KRAS: variants seen among roughly 807,000 people sequenced by gnomAD.
The protein encoded by KRAS is KRas proto-oncogene, GTPase, also known as GTPase KRas.
Under a neutral mutation model 21.0 loss-of-function variants are expected in KRAS, and 1 was observed. The ratio of observed to expected loss-of-function variants is 0.05; its 90% CI spans 0.02 to 0.23. KRAS has a LOEUF of 0.23. Among genes scored for constraint, KRAS ranks in the 10% least tolerant of loss-of-function variants. KRAS has a pLI of 1.00. For synonymous variants in KRAS, 67 were observed against 72.5 expected (o/e 0.92, Z 0.39); for missense variants, 107 against 221.8 (o/e 0.48, Z 3.29).
chr12:25,232,326 A>C (rs1216822884), intron 2 of KRAS, among the ~76,000 whole-genome samples: 3 of 152,256 alleles, frequency 2.0e-5, no homozygotes, highest in African/African-American at 7.2e-5. Context: ...CAAAAACCCA[A>C]GACTTTGTGA....
intron 1 of KRAS, 97 bp downstream of exon 1, chr12:25,250,654 G>T (rs1427267188): frequency 1.7e-5 from 3 of 171,704 alleles, no homozygotes; most frequent in Non-Finnish European, 3.8e-5. Flanking sequence ...CCCCTCCGGG[G>T]ACCCCTAATT....
chr12:25,225,007 G>C (rs944732482), intron 4 of KRAS: 2 of 151,840 alleles, frequency 1.3e-5, no homozygotes, highest in Non-Finnish European at 2.9e-5. Context: ...TGAAGAAAAA[G>C]TCATTTTTAA....
rs1002647898 is a variant in KRAS, at chr12:25,207,329, CAG to C, written c.*2464_*2465del. 10 of 189,996 alleles carry C rather than the reference CAG, an allele frequency of 5.3e-5. No homozygotes were observed. The highest frequency in any genetic ancestry group is 7.7e-5 in the Non-Finnish European group (7 of 90,618). 11.8% of individuals were successfully genotyped at this position (189,996 alleles called of 1,614,324 possible). A position where few individuals can be genotyped will look rare whatever the true frequency, so the allele number is the denominator to read the frequency against. The stretch of plus-strand genomic sequence containing the variant: ...AGGAGTTCGAGACCAGCCTGGCCAA[CAG>C]GGTGAAACCCCGTCTCTCCTAAAAA... On this transcript the variant is annotated 3_prime_UTR_variant, in exon 5 of 5. Transcript: ENST00000311936.
At chr12:25,236,000 A>C (rs1782950196) in intron 2 of KRAS, among the ~76,000 whole-genome samples, 1 of 152,128 alleles carries the variant, frequency 6.6e-6, no homozygotes, top group Non-Finnish European at 1.5e-5. Flanking sequence ...GAGCTAAGGC[A>C]AGTAATGCTC....
At chr12:25,231,690 T>C (rs1951473667) in intron 2 of KRAS, among the ~76,000 whole-genome samples, 1 of 152,148 alleles carries the variant, frequency 6.6e-6, no homozygotes, top group Admixed American at 6.5e-5. Flanking sequence ...AAGTAATCTA[T>C]AACCTACTCA....
chr12:25,215,447 T>G, intron 4 of KRAS: 1 of 1,613,256 alleles, frequency 6.2e-7, no homozygotes, highest in Non-Finnish European at 8.5e-7. Context: ...CAGATTACAT[T>G]ATAATGCATT....
chr12:25,245,184 A>G (rs923904423), intron 2 of KRAS, 90 bp downstream of exon 2: 5 of 1,322,178 alleles, frequency 3.8e-6, no homozygotes, highest in Non-Finnish European at 5.3e-6. Context: ...TTATCTTGTA[A>G]TAAGTACTCA....
chr12:25,226,932 G>C (rs1181080016), intron 3 of KRAS, among the ~76,000 whole-genome samples: 1 of 151,724 alleles, frequency 6.6e-6, no homozygotes, highest in Non-Finnish European at 1.5e-5. Context: ...CTTTTTTAAT[G>C]ATGTATCTAA....
intron 2 of KRAS, chr12:25,235,272 C>G (rs1188793734): frequency 1.9e-6 from 1 of 517,928 alleles, no homozygotes; most frequent in South Asian, 2.8e-5. Context: ...TGCTCAAGTA[C>G]TTTACGTTAC....
intron 4 of KRAS, among the ~76,000 whole-genome samples, chr12:25,220,754 G>A (rs1178544607): frequency 6.7e-6 from 1 of 150,222 alleles, no homozygotes; most frequent in African/African-American, 2.4e-5. Context: ...ACCAGGCACA[G>A]TGACTCACGT....
At chr12:25,219,461 T>C (rs1219506164) in intron 4 of KRAS, among the ~76,000 whole-genome samples, 1 of 152,220 alleles carries the variant, frequency 6.6e-6, no homozygotes, top group Admixed American at 6.5e-5. Context: ...CAAAGTATCA[T>C]TCTAAATCTT....
In KRAS at chr12:25,205,446, T is replaced by C. The variant is rs907254836; in HGVS notation, c.*4349A>G. On this transcript the variant is annotated 3_prime_UTR_variant, in exon 5 of 5. Transcript: ENST00000311936. ...GCGCAACCAAATGATGGAAAACAAC[T>C]GGATCACACTGCATATGTCCCACAA... 1.4e-4 allele frequency: 29 copies of C among 214,758 alleles called. No homozygotes were observed. The highest frequency in any genetic ancestry group is 5.0e-4 in the African/African-American group (22 of 44,316). 13.3% of individuals were successfully genotyped at this position (214,758 alleles called of 1,614,324 possible).
intron 4 of KRAS, among the ~76,000 whole-genome samples, chr12:25,222,865 C>A (rs12579073): frequency 0.45 from 67,639 of 151,934 alleles, 16,977 homozygotes; most frequent in East Asian, 0.8. Flanking sequence ...AAAGGAGACA[C>A]AGCTATTTTA....
intron 4 of KRAS, 77 bp from the exon 5 acceptor site, chr12:25,209,988 G>A: frequency 9.7e-7 from 1 of 1,033,824 alleles, no homozygotes; most frequent in Non-Finnish European, 1.4e-6. Context: ...TTCATTAATG[G>A]AAAAAATATT....
chr12:25,208,125 T>TA lies in KRAS; in HGVS notation c.*1669dup, dbSNP rs1355020885. On this transcript the variant is annotated 3_prime_UTR_variant, in exon 5 of 5. Coordinates refer to ENST00000311936, the MANE Select transcript of KRAS (RefSeq NM_004985.5). Reference sequence around the variant, plus strand: ...TACAGATTGTGCTGAGCTTGACAAATAAGTGTATCCTTATGTAAATGGAAT... The same window carrying TA: ...TACAGATTGTGCTGAGCTTGACAAATAAAGTGTATCCTTATGTAAATGGAAT... The TA allele has an allele frequency of 4.3e-6, 1 of 232,664 alleles. No individual in the cohort carries two copies. Among genetic ancestry groups the TA allele is most frequent in the Non-Finnish European group, 8.5e-6 (1 of 117,830 alleles). 14.4% of individuals were successfully genotyped at this position (232,664 alleles called of 1,614,324 possible).
intron 2 of KRAS, among the ~76,000 whole-genome samples, chr12:25,230,751 T>C (rs1012140066): frequency 1.3e-5 from 2 of 152,364 alleles, no homozygotes; most frequent in East Asian, 3.9e-4. Flanking sequence ...AATTTTGTGC[T>C]TATCTTTTAA....
At chr12:25,212,588 A>T (rs919141820) in intron 4 of KRAS, among the ~76,000 whole-genome samples, 11 of 152,166 alleles carry the variant, frequency 7.2e-5, no homozygotes, top group African/African-American at 1.7e-4. Flanking sequence ...TAATAAAAAA[A>T]AATTAATTAA....
At chr12:25,225,892 A>G (rs1592807171) in intron 3 of KRAS, 119 bp from the exon 4 acceptor site, 1 of 882,758 alleles carries the variant, frequency 1.1e-6, no homozygotes, top group Non-Finnish European at 1.8e-6. Context: ...CCTAGTTTCC[A>G]CTACACCAAA....
rs1682663628 is a variant in KRAS, at chr12:25,209,127, GA to G, written c.*667del. On this transcript the variant is annotated 3_prime_UTR_variant, in exon 5 of 5. Coordinates refer to ENST00000311936, the MANE Select transcript of KRAS (RefSeq NM_004985.5). ...GTCTTTATAGTAATTTATCTAATGT[GA>G]AAAGGAAATGGCCTTATAATAGTTT... is the stretch of plus-strand genomic sequence containing the variant. 1 of 578,090 alleles carries G rather than the reference GA, an allele frequency of 1.7e-6. No homozygotes were observed. Among genetic ancestry groups the G allele is most frequent in the Non-Finnish European group, 3.1e-6 (1 of 326,848 alleles). The allele number at this position is 578,090 out of a possible 1,614,324, so 35.8% of individuals were successfully genotyped here. A position where few individuals can be genotyped will look rare whatever the true frequency, so the allele number is the denominator to read the frequency against.
Sources: allele counts gnomAD v4.1 joint callset (sites outside exome capture counted in the v4.1 genomes callset), GRCh38; gene constraint gnomAD v4.1.1; transcripts MANE v1.5; gene names NCBI Gene and HGNC (gene_info 2026-07-23, HGNC 2026-07-21).